Variants in INPP5B observed in about 807,000 individuals in gnomAD.
INPP5B encodes the protein inositol polyphosphate-5-phosphatase B.
INPP5B carries 90 observed loss-of-function variants against 118.5 expected under a neutral mutation model. That is an observed-to-expected ratio of 0.76 (90% CI 0.64 to 0.90). The LOEUF is 0.90. Among genes scored for constraint, INPP5B ranks in the 40% least tolerant of loss-of-function variants. The pLI, the probability that INPP5B is intolerant of heterozygous loss-of-function variation, is 0.00. For synonymous variants in INPP5B, 385 were observed against 418.9 expected (o/e 0.92, Z 0.99); for missense variants, 984 against 1,125.6 (o/e 0.87, Z 1.80).
At position 37,931,915 on chromosome 1, in the gene INPP5B, C is replaced by A; in HGVS notation, c.530G>T (p.Gly177Val). The A allele has an allele frequency of 6.2e-7, 1 of 1,614,084 alleles. No individual in the cohort carries two copies. The highest frequency in any genetic ancestry group is 8.5e-7 in the Non-Finnish European group (1 of 1,180,042). The stretch of plus-strand genomic sequence containing the variant: ...TTTCTTCCGGGACGGATACCTGCCT[C>A]CGCCAATTGTCGCGTACCCTGGCCA... Reference protein sequence around the residue: ...VTWPGYATIGGGGSNFDGLRP... With the variant: ...VTWPGYATIGVGGSNFDGLRP... The change falls in exon 7 of 24, where the codon GGA becomes GTA. Residue 177 changes from glycine to valine, a missense_variant and splice_region_variant. By Grantham distance (109) the Gly-to-Val change is moderately radical. This residue lies in a region of INPP5B where 350 missense variants were observed against 334.6 expected (regional missense o/e 1.05). Coordinates refer to ENST00000373024, the MANE Select transcript of INPP5B (RefSeq NM_005540.3).
In INPP5B at chr1:37,861,933, G is replaced by A. The variant is rs555951320; in HGVS notation, c.*382C>T. 3.2e-4 allele frequency: 55 copies of A among 169,774 alleles called. No homozygotes were observed. The highest frequency in any genetic ancestry group is 1.2e-3 in the African/African-American group (51 of 41,710). The allele number at this position is 169,774 out of a possible 1,614,324, so 10.5% of individuals were successfully genotyped here. A position where few individuals can be genotyped will look rare whatever the true frequency, so the allele number is the denominator to read the frequency against. The stretch of plus-strand genomic sequence containing the variant: ...TGCCTGCAGTCCCAGCTACTCGGGA[G>A]GCTGAGGCAGGATAATTGCTTGCAC... On this transcript the variant is annotated 3_prime_UTR_variant, in exon 24 of 24. Coordinates refer to ENST00000373024, the MANE Select transcript of INPP5B (RefSeq NM_005540.3).
At chr1:37,916,971 T>C (rs1231193922) in intron 7 of INPP5B, among the ~76,000 whole-genome samples, 1 of 151,678 alleles carries the variant, frequency 6.6e-6, no homozygotes, top group Non-Finnish European at 1.5e-5. Context: ...TATAACTGTG[T>C]TGTCCAATAT....
chr1:37,905,479 G>T (rs112721497), intron 7 of INPP5B, among the ~76,000 whole-genome samples: 2 of 152,164 alleles, frequency 1.3e-5, no homozygotes, highest in African/African-American at 2.4e-5. Context: ...CTATAATTCT[G>T]TCATGACTTA....
chr1:37,931,959 A>G lies in INPP5B; in HGVS notation c.486T>C (p.Cys162=), dbSNP rs780986028. 1 of 1,613,458 alleles carries G rather than the reference A, an allele frequency of 6.2e-7. No individual in the cohort carries two copies. Among genetic ancestry groups the G allele is most frequent in the Non-Finnish European group, 8.5e-7 (1 of 1,179,686 alleles). The change falls in exon 7 of 24, where the codon TGT becomes TGC. Residue 162 remains cysteine (C), a synonymous_variant. Transcript: ENST00000373024. The part of the protein sequence containing the change: ...LELEMPTPRG[C]NSALVTWPGY... ...CTGGCCAGGTAACTAGGGCCGAGTT[A>G]CAACCGCGCGGCGTTGGCATCTCCA...
At chr1:37,940,617 G>A in intron 6 of INPP5B, 71 bp downstream of exon 6, 7 of 850,452 alleles carry the variant, frequency 8.2e-6, no homozygotes, top group Middle Eastern at 2.2e-4. Context: ...AAAGGGTGGA[G>A]AGTCAACTGG....
At chr1:37,866,254 C>T (rs906665739) in intron 21 of INPP5B, among the ~76,000 whole-genome samples, 1 of 152,090 alleles carries the variant, frequency 6.6e-6, no homozygotes, top group Non-Finnish European at 1.5e-5. Context: ...TGGACCCTGT[C>T]TCAAAAAATA....
At chr1:37,926,748 T>C (rs1307658781) in intron 7 of INPP5B, among the ~76,000 whole-genome samples, 1 of 152,210 alleles carries the variant, frequency 6.6e-6, no homozygotes, top group Admixed American at 6.5e-5. Context: ...AGGTTTTGCA[T>C]GTACCCAGGA....
In INPP5B at chr1:37,932,073, G is replaced by A. The variant is rs1352825209; in HGVS notation, c.392-20C>T. The A allele has an allele frequency of 3.9e-6, 6 of 1,557,788 alleles. No homozygotes were observed. Among genetic ancestry groups the A allele is most frequent in the African/African-American group, 2.7e-5 (2 of 73,130 alleles). ...CGAAGCCTGTGCAGGAACAAATGGG[G>A]GCAGACTGAGCCACGAGCTTGAAGA... On this transcript the variant is annotated intron_variant, in intron 6 of 23. Coordinates refer to ENST00000373024, the MANE Select transcript of INPP5B (RefSeq NM_005540.3).
At position 37,893,923 on chromosome 1, in the gene INPP5B, G is replaced by C. The variant is rs148356402; in HGVS notation, c.533-2469C>G. On this transcript the variant is annotated intron_variant, in intron 7 of 23. Coordinates refer to ENST00000373024, the MANE Select transcript of INPP5B (RefSeq NM_005540.3). ...TATAAGGCTAACTCCTACCCATCCT[G>C]TGCCAGGGGTCAGTAAACTTTTTCT... 4.0e-3 allele frequency among the ~76,000 whole-genome samples: 611 copies of C among 152,278 alleles called. 2 individuals carry two copies. Among genetic ancestry groups the C allele is most frequent in the African/African-American group, 0.014 (588 of 41,560 alleles).
chr1:37,887,023 G>A lies in INPP5B; in HGVS notation c.1015-19C>T. 1.3e-6 allele frequency: 2 copies of A among 1,598,712 alleles called. No homozygotes were observed. Among genetic ancestry groups the A allele is most frequent in the Non-Finnish European group, 1.7e-6 (2 of 1,166,768 alleles). On this transcript the variant is annotated intron_variant, in intron 11 of 23. Transcript: ENST00000373024. ...GCTTCACCTGGAAAAGAGAGACATG[G>A]CATTAAATAGAAATTGCAAACAGGA...
intron 7 of INPP5B, among the ~76,000 whole-genome samples, chr1:37,912,536 C>T (rs186217342): frequency 2.0e-4 from 31 of 152,234 alleles, no homozygotes; most frequent in Middle Eastern, 3.4e-3. Flanking sequence ...ACTTGTCATC[C>T]CTATCTTCTG....
At chr1:37,896,923 C>T (rs1363500017) in intron 7 of INPP5B, among the ~76,000 whole-genome samples, 1 of 137,296 alleles carries the variant, frequency 7.3e-6, no homozygotes, top group Non-Finnish European at 1.6e-5. Context: ...GCCCAGCCGC[C>T]CCTACTGGGA....
chr1:37,870,518 C>A (rs1642349606), intron 19 of INPP5B, among the ~76,000 whole-genome samples: 1 of 152,114 alleles, frequency 6.6e-6, no homozygotes, highest in Admixed American at 6.6e-5. Flanking sequence ...GAGGTAGGGC[C>A]TTTGGGAGAT....
intron 6 of INPP5B, among the ~76,000 whole-genome samples, chr1:37,937,745 C>T (rs1046639391): frequency 8.0e-5 from 12 of 150,284 alleles, no homozygotes; most frequent in South Asian, 2.1e-4. Context: ...CCAGCCTGGG[C>T]GACAGAGCCA....
chr1:37,894,352 T>A (rs1643938444), intron 7 of INPP5B, among the ~76,000 whole-genome samples: 1 of 152,138 alleles, frequency 6.6e-6, no homozygotes, highest in East Asian at 1.9e-4. Flanking sequence ...GTACTCCCCA[T>A]CACAGTCTTG....
chr1:37,899,177 C>A (rs895773897), intron 7 of INPP5B, among the ~76,000 whole-genome samples: 520 of 116,834 alleles, frequency 4.5e-3, no homozygotes, highest in Non-Finnish European at 5.1e-3. Context: ...GTGAAACTGT[C>A]AAAAAAAAAA....
At chr1:37,904,333 T>A (rs568725381) in intron 7 of INPP5B, among the ~76,000 whole-genome samples, 166 of 151,524 alleles carry the variant, frequency 1.1e-3, no homozygotes, top group Non-Finnish European at 1.9e-3. Context: ...CAAAAAAAAA[T>A]AATAAATAAA....
rs773760148 is a variant in INPP5B at position 37,875,688 on chromosome 1, C to T, written c.1706G>A (p.Arg569Gln). The change falls in exon 17 of 24, where the codon CGG (arginine) becomes CAG (glutamine). Residue 569 changes from arginine (R) to glutamine (Q), a missense_variant. Arg to Gln is a conservative substitution (Grantham distance 43, BLOSUM62 1). Coordinates refer to ENST00000373024, the MANE Select transcript of INPP5B (RefSeq NM_005540.3). ...GVRVVNDELYRKTLEEIVRSL... is the reference protein window; with the variant it reads ...GVRVVNDELYQKTLEEIVRSL... ...GCGAACAATTTCCTCCAGTGTCTTC[C>T]GGTAAAGCTCGTCATTTACGACCCT... 6 of 1,613,936 alleles carry T rather than the reference C, an allele frequency of 3.7e-6. No individual in the cohort carries two copies. Among genetic ancestry groups the T allele is most frequent in the Admixed American group, 3.3e-5 (2 of 60,002 alleles).
At chr1:37,938,647 A>G (rs1645796008) in intron 6 of INPP5B, among the ~76,000 whole-genome samples, 1 of 152,234 alleles carries the variant, frequency 6.6e-6, no homozygotes, top group African/African-American at 2.4e-5. Context: ...TTCAAAGCCC[A>G]GGCTCTTTGG....
Sources: allele counts gnomAD v4.1 joint callset (sites outside exome capture counted in the v4.1 genomes callset), GRCh38; gene constraint gnomAD v4.1.1; regional missense constraint gnomAD v4.1.1; transcripts MANE v1.5; gene names NCBI Gene and HGNC (gene_info 2026-07-23, HGNC 2026-07-21).